Variants in DIP2C observed in about 807,000 individuals in gnomAD.
The protein encoded by DIP2C is disco-interacting protein 2 homolog C.
Under a neutral mutation model 192.4 loss-of-function variants are expected in DIP2C, and 33 were observed. That is an observed-to-expected ratio of 0.17 (90% confidence interval 0.13 to 0.23). DIP2C has a LOEUF of 0.23. Ranked by LOEUF, DIP2C falls within the 10% of genes least tolerant of loss-of-function variation. The pLI is 1.00. For missense variants in DIP2C, 1,537 were observed against 2,110.1 expected (o/e 0.73, Z 5.32); for synonymous variants, 979 against 864.1 (o/e 1.13, Z -2.33).
At chr10:281,874 CCTT>C (rs898851980) in intron 35 of DIP2C, 2 of 152,520 alleles carry the variant, frequency 1.3e-5, no homozygotes, top group African/African-American at 2.4e-5. Flanking sequence ...TTATTTCTAT[CCTT>C]CTTGCAAACC....
intron 9 of DIP2C, among the ~76,000 whole-genome samples, chr10:405,623 T>C (rs1205932117): frequency 6.6e-6 from 1 of 152,196 alleles, no homozygotes; most frequent in Non-Finnish European, 1.5e-5. Context: ...GTGATCCCAA[T>C]ACAATACTGG....
At chr10:532,028 A>G (rs552053162) in intron 1 of DIP2C, among the ~76,000 whole-genome samples, 1 of 152,342 alleles carries the variant, frequency 6.6e-6, no homozygotes, top group South Asian at 2.1e-4. Flanking sequence ...TAGAATGCAG[A>G]TGGCTGCTGT....
At chr10:390,910 T>C (rs1030183165) in intron 10 of DIP2C, 47 bp from the exon 11 acceptor site, 31 of 1,602,720 alleles carry the variant, frequency 1.9e-5, no homozygotes, top group Non-Finnish European at 2.6e-5. Context: ...CCTGCCCCAC[T>C]CCGCCCAGCC....
intron 2 of DIP2C, among the ~76,000 whole-genome samples, chr10:478,994 G>A (rs1453420520): frequency 6.6e-6 from 1 of 152,158 alleles, no homozygotes; most frequent in Non-Finnish European, 1.5e-5. Context: ...CTCCACAGAG[G>A]CCTCCACAGG....
intron 5 of DIP2C, among the ~76,000 whole-genome samples, chr10:421,540 A>G (rs1966180705): frequency 6.6e-6 from 1 of 152,228 alleles, no homozygotes; most frequent in Non-Finnish European, 1.5e-5. Flanking sequence ...TAACAGTCAC[A>G]CATTCCTGTT....
chr10:530,418 G>A (rs1406885880), intron 1 of DIP2C, among the ~76,000 whole-genome samples: 1 of 152,028 alleles, frequency 6.6e-6, no homozygotes, highest in Admixed American at 6.5e-5. Context: ...CAAAGAAAGG[G>A]AAAAATAAAA....
chr10:575,190 A>G (rs145247899), intron 1 of DIP2C, among the ~76,000 whole-genome samples: 210 of 152,364 alleles, frequency 1.4e-3, no homozygotes, highest in African/African-American at 4.8e-3. Context: ...ATTCCATGCT[A>G]ATCTGAAACA....
intron 1 of DIP2C, among the ~76,000 whole-genome samples, chr10:626,431 T>TGTTACCCTCCGTCCCCCCGTCCCCGGG (rs1564283995): frequency 1.5e-5 from 2 of 134,318 alleles, no homozygotes; most frequent in African/African-American, 3.6e-5. Context: ...CCATCCTCGG[T>TGTTACCCTCCGTCCCCCCGTCCCCGGG]GTTACCCTCC....
At chr10:471,639 G>A (rs975418013) in intron 3 of DIP2C, among the ~76,000 whole-genome samples, 1 of 152,164 alleles carries the variant, frequency 6.6e-6, no homozygotes. Context: ...CCTCACCGGT[G>A]CCCTGGGAAC....
chr10:301,184 C>T (rs1287596214), intron 32 of DIP2C, among the ~76,000 whole-genome samples: 1 of 152,118 alleles, frequency 6.6e-6, no homozygotes, highest in African/African-American at 2.4e-5. Context: ...AGGAGATGAA[C>T]CCAGACCCTC....
At chr10:513,255 CAT>C (rs938931995) in intron 1 of DIP2C, among the ~76,000 whole-genome samples, 8 of 152,186 alleles carry the variant, frequency 5.3e-5, no homozygotes, top group East Asian at 1.9e-4. Flanking sequence ...AAGAAATAAA[CAT>C]AAGCTACTAA....
At chr10:297,110 CTT>C (rs1467234088) in intron 32 of DIP2C, among the ~76,000 whole-genome samples, 1 of 152,000 alleles carries the variant, frequency 6.6e-6, no homozygotes, top group Admixed American at 6.6e-5. Context: ...AGGAGAATCA[CTT>C]GAACCGGGGA....
intron 31 of DIP2C, among the ~76,000 whole-genome samples, chr10:314,891 T>C (rs779995629): frequency 6.6e-6 from 1 of 152,224 alleles, no homozygotes; most frequent in Non-Finnish European, 1.5e-5. Context: ...CACAGAAGTT[T>C]TGGAGGGGGA....
chr10:661,860 G>A (rs948886772), intron 1 of DIP2C, among the ~76,000 whole-genome samples: 35 of 152,188 alleles, frequency 2.3e-4, no homozygotes, highest in Admixed American at 7.9e-4. Flanking sequence ...GTCCACACTT[G>A]CTTCTCCTCC....
chr10:614,037 G>A (rs894613854), intron 1 of DIP2C, among the ~76,000 whole-genome samples: 2 of 152,182 alleles, frequency 1.3e-5, no homozygotes, highest in Admixed American at 6.5e-5. Context: ...CGTCCTCCAT[G>A]GCAGGACAGT....
chr10:372,604 G>A (rs61650303), intron 17 of DIP2C, among the ~76,000 whole-genome samples: 21,607 of 152,148 alleles, frequency 0.14, 1,611 homozygotes, highest in South Asian at 0.21. Context: ...CTTGCTAGTC[G>A]GAGAAAACGC....
chr10:324,910 GTTC>G (rs777718715), intron 31 of DIP2C: 1 of 531,864 alleles, frequency 1.9e-6, no homozygotes, highest in Non-Finnish European at 3.9e-6. Flanking sequence ...CCATGTTTTG[GTTC>G]TTTTTTCACG....
chr10:632,441 G>A (rs1380186367), intron 1 of DIP2C, among the ~76,000 whole-genome samples: 2 of 135,782 alleles, frequency 1.5e-5, no homozygotes, highest in East Asian at 2.2e-4. Flanking sequence ...TGCGGGCACC[G>A]GTGTGAACTC....
At chr10:670,525 G>A (rs1830581800) in intron 1 of DIP2C, among the ~76,000 whole-genome samples, 1 of 152,168 alleles carries the variant, frequency 6.6e-6, no homozygotes, top group African/African-American at 2.4e-5. Flanking sequence ...ACAACATAGG[G>A]GGACGGCTGC....
Sources: gnomAD v4.1 joint callset for allele counts (sites outside exome capture counted in the v4.1 genomes callset) on GRCh38, gnomAD v4.1.1 for gene constraint, MANE v1.5 for transcripts, NCBI Gene and HGNC (gene_info 2026-07-23, HGNC 2026-07-21) for gene names.